Variants in KLHDC1 observed in about 807,000 individuals in gnomAD.
KLHDC1 encodes kelch domain-containing protein 1.
In KLHDC1, 53 loss-of-function variants were observed where a neutral mutation model predicts 68.3. That is an observed-to-expected ratio of 0.78 (90% confidence interval 0.62 to 0.98). KLHDC1 has a LOEUF of 0.98. Among genes scored for constraint, KLHDC1 ranks in the 50% least tolerant of loss-of-function variants. The pLI is 0.00. For synonymous variants in KLHDC1, 148 were observed against 159.0 expected (o/e 0.93, Z 0.52); for missense variants, 470 against 492.3 (o/e 0.95, Z 0.43).
At chr14:49,736,046 T>A (rs1888924083) in intron 10 of KLHDC1, among the ~76,000 whole-genome samples, 1 of 152,118 alleles carries the variant, frequency 6.6e-6, no homozygotes, top group African/African-American at 2.4e-5. Flanking sequence ...GAGCATCGAT[T>A]TTTTCATCGG....
At chr14:49,720,093 TCTC>T (rs1888487952) in intron 4 of KLHDC1, among the ~76,000 whole-genome samples, 1 of 151,482 alleles carries the variant, frequency 6.6e-6, no homozygotes, top group Admixed American at 6.6e-5. Flanking sequence ...TTCAAGCAAT[TCTC>T]CTGCCTCAGC....
intron 1 of KLHDC1, among the ~76,000 whole-genome samples, chr14:49,701,627 C>G (rs557605708): frequency 1.3e-5 from 2 of 152,146 alleles, no homozygotes; most frequent in South Asian, 4.1e-4. Context: ...CCATTGCACT[C>G]TAGCCTGGGC....
At chr14:49,710,676 A>C (rs746414932) in intron 4 of KLHDC1, among the ~76,000 whole-genome samples, 1 of 152,164 alleles carries the variant, frequency 6.6e-6, no homozygotes, top group Non-Finnish European at 1.5e-5. Flanking sequence ...CTGAGCATCA[A>C]TAAAACTAGA....
intron 1 of KLHDC1, among the ~76,000 whole-genome samples, chr14:49,704,385 C>CTTTT (rs1246947964): frequency 2.7e-5 from 2 of 73,580 alleles, no homozygotes; most frequent in Non-Finnish European, 5.6e-5. Context: ...TTTTCCTTTT[C>CTTTT]TGTTTTTTTT....
chr14:49,720,435 T>C (rs1162873821), intron 4 of KLHDC1, among the ~76,000 whole-genome samples: 1 of 152,188 alleles, frequency 6.6e-6, no homozygotes, highest in African/African-American at 2.4e-5. Flanking sequence ...TCCATCTTTT[T>C]TGTGACAAAT....
intron 4 of KLHDC1, among the ~76,000 whole-genome samples, chr14:49,711,963 G>C (rs566789686): frequency 7.4e-6 from 1 of 135,726 alleles, no homozygotes; most frequent in East Asian, 2.1e-4. Flanking sequence ...TGTCACCCAG[G>C]CTGGAATGCA....
chr14:49,744,309 TGTGTGTGTGTG>T (rs1432909280), intron 12 of KLHDC1, among the ~76,000 whole-genome samples: 1 of 151,878 alleles, frequency 6.6e-6, no homozygotes, highest in Non-Finnish European at 1.5e-5. Context: ...TGTGTGTGTG[TGTGTGTGTGTG>T]TGTGTATGTA....
chr14:49,716,385 C>T (rs7150645), intron 4 of KLHDC1, among the ~76,000 whole-genome samples: 5,447 of 150,600 alleles, frequency 0.036, 328 homozygotes, highest in African/African-American at 0.12. Flanking sequence ...CCTCTTGCTA[C>T]GCTTTTTTTT....
chr14:49,746,299 T>G (rs1041660745), intron 12 of KLHDC1, among the ~76,000 whole-genome samples: 3 of 152,150 alleles, frequency 2.0e-5, no homozygotes, highest in African/African-American at 7.2e-5. Context: ...ACATAAAATT[T>G]CATAATCATT....
intron 1 of KLHDC1, among the ~76,000 whole-genome samples, chr14:49,703,284 A>G (rs1171035592): frequency 6.6e-6 from 1 of 151,508 alleles, no homozygotes; most frequent in Non-Finnish European, 1.5e-5. Flanking sequence ...TTTACTTCAC[A>G]TACATCTCTA....
intron 6 of KLHDC1, among the ~76,000 whole-genome samples, chr14:49,726,167 G>T (rs1318179458): frequency 2.6e-5 from 4 of 152,122 alleles, no homozygotes; most frequent in Admixed American, 2.0e-4. Flanking sequence ...TTGGATTTTT[G>T]TAATTAGGTT....
At chr14:49,717,472 T>C (rs532498877) in intron 4 of KLHDC1, among the ~76,000 whole-genome samples, 2 of 152,340 alleles carry the variant, frequency 1.3e-5, no homozygotes, top group African/African-American at 2.4e-5. Context: ...TAATGACTAA[T>C]GATGTTGGCT....
intron 5 of KLHDC1, 75 bp downstream of exon 5, chr14:49,724,027 T>C (rs1052275543): frequency 2.5e-6 from 2 of 801,650 alleles, no homozygotes; most frequent in Middle Eastern, 2.4e-4. Flanking sequence ...ATGAGTCTAG[T>C]CTTTCTCATT....
chr14:49,693,732 A>ATTTTAT (rs1566589115), intron 1 of KLHDC1, among the ~76,000 whole-genome samples: 1 of 78,968 alleles, frequency 1.3e-5, no homozygotes, highest in Non-Finnish European at 2.8e-5. Flanking sequence ...TTAAATATTT[A>ATTTTAT]TTTTCTTTTC....
chr14:49,693,322 G>A (rs1887624097), intron 1 of KLHDC1, 32 bp downstream of exon 1: 1 of 1,398,760 alleles, frequency 7.1e-7, no homozygotes, highest in Non-Finnish European at 9.5e-7. Flanking sequence ...GGGTAGACTC[G>A]CGCCGGGAGA....
intron 1 of KLHDC1, among the ~76,000 whole-genome samples, chr14:49,695,329 G>A (rs941776676): frequency 2.0e-5 from 3 of 152,028 alleles, no homozygotes; most frequent in Non-Finnish European, 4.4e-5. Context: ...AATAAGACTT[G>A]AAAGTCAAAA....
intron 4 of KLHDC1, among the ~76,000 whole-genome samples, chr14:49,717,169 A>G (rs193254887): frequency 2.0e-5 from 3 of 152,338 alleles, no homozygotes; most frequent in Non-Finnish European, 2.9e-5. Flanking sequence ...TAATGCTGCT[A>G]TCAATGTGGC....
chr14:49,715,063 T>C (rs1329724730), intron 4 of KLHDC1, among the ~76,000 whole-genome samples: 1 of 147,776 alleles, frequency 6.8e-6, no homozygotes, highest in African/African-American at 2.5e-5. Flanking sequence ...ATTATATATG[T>C]TTTTTGTATT....
chr14:49,751,323 C>T (rs573891750), intron 12 of KLHDC1, among the ~76,000 whole-genome samples: 79 of 152,070 alleles, frequency 5.2e-4, no homozygotes, highest in African/African-American at 1.9e-3. Flanking sequence ...GAATACTTAA[C>T]TATAACAAAG....
Sources: gnomAD v4.1 joint callset for allele counts (sites outside exome capture counted in the v4.1 genomes callset) on GRCh38, gnomAD v4.1.1 for gene constraint, MANE v1.5 for transcripts, NCBI Gene and HGNC (gene_info 2026-07-23, HGNC 2026-07-21) for gene names.